ME3: variants seen among roughly 807,000 people sequenced by gnomAD.
ME3 encodes malic enzyme 3.
Under a neutral mutation model 68.9 loss-of-function variants are expected in ME3, and 48 were observed. The observed-to-expected ratio is 0.70, with a 90% CI of 0.55 to 0.89. ME3 has a LOEUF of 0.89. Ranked by LOEUF, ME3 falls within the 40% of genes least tolerant of loss-of-function variation. The pLI, the probability that ME3 is intolerant of heterozygous loss-of-function variation, is 0.00. For synonymous variants in ME3, 320 were observed against 318.8 expected (o/e 1.00, Z -0.04); for missense variants, 675 against 797.4 (o/e 0.85, Z 1.85).
At chr11:86,587,528 C>T (rs1958810757) in intron 2 of ME3, among the ~76,000 whole-genome samples, 1 of 152,224 alleles carries the variant, frequency 6.6e-6, no homozygotes, top group Admixed American at 6.5e-5. Context: ...GTAAATTTTA[C>T]TCATCCCTGA....
At chr11:86,440,239 CAT>C (rs1484577302), downstream of ME3, among the ~76,000 whole-genome samples, 3 of 152,354 alleles carry the variant, frequency 2.0e-5, no homozygotes, top group Non-Finnish European at 2.9e-5. Context: ...GCCATCTCCA[CAT>C]GTCTTAACAT....
intron 11 of ME3, among the ~76,000 whole-genome samples, chr11:86,447,887 A>G (rs1158865705): frequency 3.2e-4 from 32 of 98,938 alleles, no homozygotes; most frequent in African/African-American, 7.9e-4. Context: ...ACAGAGAGAA[A>G]GAGAGAGAGA....
At chr11:86,531,803 A>G (rs1420073679) in intron 4 of ME3, among the ~76,000 whole-genome samples, 1 of 124,132 alleles carries the variant, frequency 8.1e-6, no homozygotes, top group Admixed American at 1.0e-4. Context: ...AGGAAGGGGA[A>G]CATCACACAC....
At chr11:86,470,344 C>G (rs1452126250) in intron 7 of ME3, among the ~76,000 whole-genome samples, 1 of 152,164 alleles carries the variant, frequency 6.6e-6, no homozygotes, top group African/African-American at 2.4e-5. Context: ...GCAGAGCGTT[C>G]AGTGAGATTA....
chr11:86,449,243 G>A (rs1407221083), intron 10 of ME3, among the ~76,000 whole-genome samples: 2 of 152,196 alleles, frequency 1.3e-5, no homozygotes, highest in Non-Finnish European at 2.9e-5. Flanking sequence ...CTCTAATGGA[G>A]GGGTCCTTCA....
chr11:86,518,488 G>A (rs1954044285), intron 4 of ME3, among the ~76,000 whole-genome samples: 1 of 152,192 alleles, frequency 6.6e-6, no homozygotes, highest in Non-Finnish European at 1.5e-5. Flanking sequence ...TCTTTGTCCT[G>A]TCATTTCTTC....
At chr11:86,542,233 C>G (rs1039246023) in intron 4 of ME3, among the ~76,000 whole-genome samples, 2 of 152,052 alleles carry the variant, frequency 1.3e-5, no homozygotes, top group African/African-American at 2.4e-5. Flanking sequence ...TTCCAAAAAC[C>G]AGAATGCCTC....
chr11:86,574,392 G>T (rs1219605812), intron 2 of ME3, among the ~76,000 whole-genome samples: 2 of 54,536 alleles, frequency 3.7e-5, no homozygotes, highest in African/African-American at 1.1e-4. Flanking sequence ...TGGGGTATTT[G>T]TTGCCGGGGG....
intron 4 of ME3, among the ~76,000 whole-genome samples, chr11:86,526,031 G>A (rs563718479): frequency 1.3e-5 from 2 of 152,334 alleles, no homozygotes; most frequent in African/African-American, 2.4e-5. Context: ...GCAGGACAGT[G>A]GGTGCAGCGC....
chr11:86,600,422 C>A (rs1340943812), intron 2 of ME3, among the ~76,000 whole-genome samples: 6 of 152,080 alleles, frequency 3.9e-5, no homozygotes, highest in Non-Finnish European at 8.8e-5. Context: ...TATATATGCA[C>A]CCAATACAGG....
intron 2 of ME3, among the ~76,000 whole-genome samples, chr11:86,593,325 A>T (rs926071066): frequency 2.0e-5 from 3 of 146,932 alleles, no homozygotes; most frequent in African/African-American, 5.0e-5. Flanking sequence ...AACACCTGTC[A>T]TAAAAGGATC....
chr11:86,446,945 T>A, intron 12 of ME3, 120 bp downstream of exon 12: 1 of 1,341,390 alleles, frequency 7.5e-7, no homozygotes, highest in Non-Finnish European at 1.0e-6. Context: ...TGTTACTTCA[T>A]CTTTCTGAAA....
chr11:86,498,583 A>G (rs183556139), intron 5 of ME3, among the ~76,000 whole-genome samples: 377 of 152,320 alleles, frequency 2.5e-3, no homozygotes, highest in African/African-American at 8.8e-3. Context: ...CTACTCCTGG[A>G]TTATGAAAAA....
intron 4 of ME3, among the ~76,000 whole-genome samples, chr11:86,553,241 C>A (rs1956780876): frequency 6.6e-6 from 1 of 152,216 alleles, no homozygotes; most frequent in South Asian, 2.1e-4. Flanking sequence ...TGAGGTGATG[C>A]AGAGCCCCAG....
chr11:86,654,796 G>A (rs1412596888), intron 2 of ME3, among the ~76,000 whole-genome samples: 3 of 152,168 alleles, frequency 2.0e-5, no homozygotes, highest in Non-Finnish European at 4.4e-5. Flanking sequence ...AGGAAAAGAG[G>A]AAGTCAAATT....
chr11:86,650,974 C>T (rs547437701), intron 2 of ME3, among the ~76,000 whole-genome samples: 27 of 152,348 alleles, frequency 1.8e-4, no homozygotes, highest in African/African-American at 4.8e-4. Flanking sequence ...GAGGGTCCTA[C>T]GCCCACAGAG....
chr11:86,586,740 A>G (rs948376768), intron 2 of ME3, among the ~76,000 whole-genome samples: 1 of 152,096 alleles, frequency 6.6e-6, no homozygotes, highest in African/African-American at 2.4e-5. Flanking sequence ...GATGGGGGAA[A>G]ACAGCTCTGA....
chr11:86,651,674 A>G (rs1487093862), intron 2 of ME3, among the ~76,000 whole-genome samples: 1 of 152,228 alleles, frequency 6.6e-6, no homozygotes, highest in Non-Finnish European at 1.5e-5. Context: ...TGAAAATTCT[A>G]AAAATCAGAG....
At chr11:86,541,339 A>G (rs1956035670) in intron 4 of ME3, among the ~76,000 whole-genome samples, 1 of 152,152 alleles carries the variant, frequency 6.6e-6, no homozygotes, top group Non-Finnish European at 1.5e-5. Flanking sequence ...CAGGGAGCCA[A>G]GTGGTCTAGC....
Sources: allele counts gnomAD v4.1 joint callset (sites outside exome capture counted in the v4.1 genomes callset), GRCh38; gene constraint gnomAD v4.1.1; transcripts MANE v1.5; gene names NCBI Gene and HGNC (gene_info 2026-07-23, HGNC 2026-07-21).